Variants in CFAP44 observed in about 807,000 individuals in gnomAD.
CFAP44 encodes the protein cilia and flagella associated protein 44, also known as cilia- and flagella-associated protein 44.
In CFAP44, 134 loss-of-function variants were observed where a neutral mutation model predicts 216.2. That is an observed-to-expected ratio of 0.62 (90% CI 0.54 to 0.72). The LOEUF is 0.72. Ranked by LOEUF, CFAP44 falls within the 30% of genes least tolerant of loss-of-function variation. The probability of loss-of-function intolerance (pLI) is 0.00; values close to 1 mark genes in which losing one functional copy is unlikely to be tolerated. For missense variants in CFAP44, 2,035 were observed against 2,182.1 expected (o/e 0.93, Z 1.34); for synonymous variants, 700 against 727.6 (o/e 0.96, Z 0.61).
chr3:113,424,609 G>C (rs1409762507), intron 4 of CFAP44, among the ~76,000 whole-genome samples: 1 of 152,170 alleles, frequency 6.6e-6, no homozygotes, highest in African/African-American at 2.4e-5. Context: ...CTGCAGAGAG[G>C]AGAACTAAAT....
intron 1 of CFAP44, among the ~76,000 whole-genome samples, chr3:113,436,551 C>A (rs1386008661): frequency 6.6e-6 from 1 of 152,194 alleles, no homozygotes; most frequent in Non-Finnish European, 1.5e-5. Context: ...TGATTCAGAT[C>A]CATCAGAGTT....
chr3:113,363,331 T>C, intron 20 of CFAP44, 24 bp from the exon 21 acceptor site: 1 of 1,591,832 alleles, frequency 6.3e-7, no homozygotes, highest in South Asian at 1.2e-5. Flanking sequence ...TTTAAAACAA[T>C]AACAGGTTGT....
In CFAP44 at chr3:113,291,701, C is replaced by CT. The variant is rs1157713986; in HGVS notation, c.5420dup (p.Glu1808GlyfsTer4). The CT allele has an allele frequency of 6.5e-7, 1 of 1,536,828 alleles. No homozygotes were observed. The highest frequency in any genetic ancestry group is 8.7e-7 in the Non-Finnish European group (1 of 1,146,986). ...GGAGTTGGATCAATTCAGTGACCTCCTCTCTTGCCACAACATCTGCTTCCC... is the reference window on the plus strand; with the variant it reads ...GGAGTTGGATCAATTCAGTGACCTCCTTCTCTTGCCACAACATCTGCTTCCC... On this transcript the variant is annotated frameshift_variant, in exon 35 of 35. Transcript: ENST00000393845. LOFTEE classifies it low-confidence loss of function (END_TRUNC).
chr3:113,409,006 CAAA>C (rs56301009), intron 7 of CFAP44, 97 bp downstream of exon 7: 12,543 of 314,146 alleles, frequency 0.04, no homozygotes, highest in Middle Eastern at 0.06. Flanking sequence ...ACCAAAACAG[CAAA>C]AAAAAAAAAA....
chr3:113,420,281 T>C, intron 4 of CFAP44, 102 bp from the exon 5 acceptor site: 1 of 1,210,826 alleles, frequency 8.3e-7, no homozygotes, highest in Non-Finnish European at 1.1e-6. Flanking sequence ...TAGATGAAGA[T>C]GTGAGGTTGA....
At chr3:113,407,960 T>C (rs1486791558) in intron 7 of CFAP44, among the ~76,000 whole-genome samples, 2 of 152,186 alleles carry the variant, frequency 1.3e-5, no homozygotes, top group Non-Finnish European at 2.9e-5. Context: ...ATATGGGGCA[T>C]AGAAAATACA....
intron 34 of CFAP44, among the ~76,000 whole-genome samples, chr3:113,292,923 T>TGGATGTGAAACATG (rs1196414882): frequency 6.6e-6 from 1 of 152,194 alleles, no homozygotes; most frequent in Non-Finnish European, 1.5e-5. Flanking sequence ...GGCTGGTGCA[T>TGGATGTGAAACATG]GGATGTGAAA....
At chr3:113,387,860 G>A (rs1474812999) in intron 15 of CFAP44, among the ~76,000 whole-genome samples, 2 of 152,224 alleles carry the variant, frequency 1.3e-5, no homozygotes, top group Middle Eastern at 6.8e-3. Flanking sequence ...GCCACAAGCT[G>A]ACTGAAGAGC....
intron 23 of CFAP44, among the ~76,000 whole-genome samples, chr3:113,343,216 C>T (rs73235066): frequency 0.23 from 35,394 of 151,512 alleles, 4,355 homozygotes; most frequent in East Asian, 0.41. Context: ...AATGTGCCAC[C>T]GTGCTTAGCT....
intron 6 of CFAP44, among the ~76,000 whole-genome samples, chr3:113,415,296 A>AT (rs1934615160): frequency 6.7e-6 from 1 of 150,272 alleles, no homozygotes; most frequent in Admixed American, 6.6e-5. Context: ...TATGTTGTTA[A>AT]TTTTTTCAAA....
At chr3:113,312,074 T>TG (rs1491254495) in intron 28 of CFAP44, among the ~76,000 whole-genome samples, 134 of 61,756 alleles carry the variant, frequency 2.2e-3, no homozygotes, top group African/African-American at 9.5e-3. Context: ...TGTGTGTGTG[T>TG]TTTTTTTTTT....
chr3:113,393,795 G>A (rs527505037), intron 15 of CFAP44, among the ~76,000 whole-genome samples: 2 of 152,140 alleles, frequency 1.3e-5, no homozygotes, highest in East Asian at 1.9e-4. Flanking sequence ...GATTACAGGC[G>A]TGAGCCACCG....
chr3:113,306,328 C>A lies in CFAP44; in HGVS notation c.4631G>T (p.Cys1544Phe), dbSNP rs1419398668. The change falls in exon 30 of 35, where the codon TGT (cysteine) becomes TTT (phenylalanine). Residue 1544 changes from cysteine to phenylalanine, a missense_variant. Physicochemically the swap from Cys to Phe is radical, Grantham distance 205. Around this residue, in one of 3 missense-constraint regions of CFAP44, gnomAD observed 1,883 missense variants for 2,023.7 expected, o/e 0.93. Coordinates refer to ENST00000393845, the MANE Select transcript of CFAP44 (RefSeq NM_001164496.2). Reference protein sequence around the residue: ...VFDDSICPTNCDVALFELALH... With the variant: ...VFDDSICPTNFDVALFELALH... ...GGCCAGCTCAAAAAGAGCCACATCA[C>A]AATCTGCCAAGAGAATTAAAATAAA... 1 of 1,535,906 alleles carries A rather than the reference C, an allele frequency of 6.5e-7. No homozygotes were observed. The highest frequency in any genetic ancestry group is 8.7e-7 in the Non-Finnish European group (1 of 1,146,530).
intron 22 of CFAP44, among the ~76,000 whole-genome samples, chr3:113,347,267 C>A (rs1349001750): frequency 6.6e-6 from 1 of 152,158 alleles, no homozygotes; most frequent in Non-Finnish European, 1.5e-5. Context: ...CGCTTTTGGG[C>A]TGAGCCAACG....
At chr3:113,391,340 T>C (rs1933832902) in intron 15 of CFAP44, among the ~76,000 whole-genome samples, 1 of 151,960 alleles carries the variant, frequency 6.6e-6, no homozygotes, top group Non-Finnish European at 1.5e-5. Context: ...AAAAATCAAA[T>C]CAAAATGGAT....
At chr3:113,327,965 T>C in intron 26 of CFAP44, 146 bp from the exon 27 acceptor site, 1 of 688,120 alleles carries the variant, frequency 1.5e-6, no homozygotes, top group Non-Finnish European at 2.4e-6. Flanking sequence ...GTCACAAAAA[T>C]AAATTCATTA....
Position 113,381,008 on chromosome 3 carries a change from G to A in CFAP44, c.1943C>T (p.Pro648Leu), listed in dbSNP as rs766274876. ...ICENGYILEA[P>L]LPTIKQEEDD... is the part of the protein sequence containing the mutation. ...CTCTTCTTGCTTTATGGTTGGAAGT[G>A]GAGCTTCAAGAATATAGCCATTTTC... The change falls in exon 16 of 35, where the codon CCA becomes CTA. Residue 648 changes from proline to leucine, a missense_variant. By Grantham distance (98) the Pro-to-Leu change is moderately conservative (BLOSUM62 -3). Coordinates refer to ENST00000393845, the MANE Select transcript of CFAP44 (RefSeq NM_001164496.2). The A allele has an allele frequency of 1.3e-6, 2 of 1,596,050 alleles. No homozygotes were observed. The highest frequency in any genetic ancestry group is 8.5e-7 in the Non-Finnish European group (1 of 1,171,426).
chr3:113,369,922 C>T (rs1933094004), intron 18 of CFAP44, among the ~76,000 whole-genome samples: 1 of 152,146 alleles, frequency 6.6e-6, no homozygotes, highest in Non-Finnish European at 1.5e-5. Context: ...CACAGAAATA[C>T]AAACTACCAT....
intron 32 of CFAP44, among the ~76,000 whole-genome samples, chr3:113,298,272 TAA>T (rs1233005298): frequency 6.6e-6 from 1 of 152,230 alleles, no homozygotes; most frequent in Non-Finnish European, 1.5e-5. Flanking sequence ...AGTAGGGACA[TAA>T]AGTCTTCTGG....
Sources: gnomAD v4.1 joint callset for allele counts (sites outside exome capture counted in the v4.1 genomes callset) on GRCh38, gnomAD v4.1.1 for gene constraint, gnomAD v4.1.1 regional missense constraint, MANE v1.5 for transcripts, NCBI Gene and HGNC (gene_info 2026-07-23, HGNC 2026-07-21) for gene names.